The following CFHR5 variants were observed in gnomAD, a reference collection of about 807,000 sequenced individuals.
CFHR5 encodes the protein complement factor H-related protein 5.
CFHR5 carries 73 observed loss-of-function variants against 62.9 expected under a neutral mutation model. That is an observed-to-expected ratio of 1.16 (90% confidence interval 0.96 to 1.41). The LOEUF is 1.41. Ranked by LOEUF, CFHR5 falls within the 40% of genes most tolerant of loss-of-function variation. CFHR5 has a pLI of 0.00. For missense variants in CFHR5, 779 were observed against 679.9 expected (o/e 1.15, Z -1.62); for synonymous variants, 249 against 227.2 (o/e 1.10, Z -0.86).
At chr1:196,983,778 G>GTA (rs1025271279) in intron 2 of CFHR5, among the ~76,000 whole-genome samples, 183 bp from the exon 3 acceptor site, 52 of 151,000 alleles carry the variant, frequency 3.4e-4, no homozygotes, top group South Asian at 3.1e-3. Flanking sequence ...ATTAACTTTC[G>GTA]TATATATATA....
intron 1 of CFHR5, among the ~76,000 whole-genome samples, chr1:196,981,913 G>T (rs2125026086): frequency 6.6e-6 from 1 of 150,472 alleles, no homozygotes; most frequent in East Asian, 1.9e-4. Context: ...TTCTTTTTCA[G>T]ATATTTTGGA....
intron 9 of CFHR5, among the ~76,000 whole-genome samples, chr1:197,007,621 A>G (rs1003285748): frequency 6.7e-6 from 1 of 149,510 alleles, no homozygotes; most frequent in African/African-American, 2.4e-5. Context: ...TATATTACAT[A>G]TTACATATAT....
chr1:197,001,815 C>A (rs552620269), intron 7 of CFHR5, among the ~76,000 whole-genome samples: 1 of 151,004 alleles, frequency 6.6e-6, no homozygotes, highest in Non-Finnish European at 1.5e-5. Flanking sequence ...ACAGTAGCCA[C>A]CACTCTGGAA....
At chr1:196,997,789 G>A (rs1654033504) in intron 6 of CFHR5, among the ~76,000 whole-genome samples, 1 of 152,058 alleles carries the variant, frequency 6.6e-6, no homozygotes. Context: ...AGATAGTTTA[G>A]TGCAAAACAA....
chr1:196,985,660 T>G (rs562694877), intron 3 of CFHR5, among the ~76,000 whole-genome samples: 1 of 152,322 alleles, frequency 6.6e-6, no homozygotes, highest in African/African-American at 2.4e-5. Context: ...TGATGGCTAT[T>G]GTCAGACCAA....
At chr1:196,990,545 A>G (rs961860859) in intron 3 of CFHR5, among the ~76,000 whole-genome samples, 3 of 151,968 alleles carry the variant, frequency 2.0e-5, no homozygotes, top group Non-Finnish European at 2.9e-5. Context: ...TTCCTTCAGG[A>G]GCTCTTGTAA....
At position 197,008,470 on chromosome 1, in the gene CFHR5, A is replaced by AC. The variant is rs1162128111; in HGVS notation, c.1514-15dup. The AC allele has an allele frequency of 6.9e-7, 1 of 1,453,834 alleles. No homozygotes were observed. 90.1% of individuals were successfully genotyped at this position (1,453,834 alleles called of 1,614,324 possible). ...TATTATTATTTATTTATTTTATTTT[A>AC]CCATTTCTTCTTTCAGATCCATGTG... On this transcript the variant is annotated splice_polypyrimidine_tract_variant and intron_variant, in intron 9 of 9. Coordinates refer to ENST00000256785, the MANE Select transcript of CFHR5 (RefSeq NM_030787.4).
intron 3 of CFHR5, among the ~76,000 whole-genome samples, chr1:196,992,214 TCCTGGTGTGTCCTGGAGACTGGACACA>T (rs1653865121): frequency 6.6e-6 from 1 of 152,134 alleles, no homozygotes; most frequent in East Asian, 1.9e-4. Flanking sequence ...GGATACAGTC[TCCTGGTGTGTCCTGGAGACTGGACACA>T]CCACTAAGAC....
chr1:196,976,234 A>G (rs1052439500), upstream of CFHR5, among the ~76,000 whole-genome samples: 3 of 152,176 alleles, frequency 2.0e-5, no homozygotes, highest in Admixed American at 6.5e-5. Flanking sequence ...CTGAACCACC[A>G]TAAGTAAGTT....
chr1:197,008,391 T>C, intron 9 of CFHR5, 96 bp from the exon 10 acceptor site: 1 of 645,438 alleles, frequency 1.5e-6, no homozygotes, highest in South Asian at 4.5e-5. Flanking sequence ...TTCATCATTT[T>C]AATTCCAAAA....
At position 196,999,683 on chromosome 1, in the gene CFHR5, GTATATATATATATATATATATA is replaced by G. The variant is rs35191504; in HGVS notation, c.1147+1398_1147+1419del. ...TTAAACTTATCTATTTTGGGAAAAA[GTATATATATATATATATATATA>G]TATATATATATATATATACACACAC... On this transcript the variant is annotated intron_variant, in intron 7 of 9. Coordinates refer to ENST00000256785, the MANE Select transcript of CFHR5 (RefSeq NM_030787.4). 6.8e-3 allele frequency among the ~76,000 whole-genome samples: 750 copies of G among 110,654 alleles called. 13 individuals are homozygous for G. Among genetic ancestry groups the G allele is most frequent in the African/African-American group, 0.027 (697 of 25,988 alleles). 72.6% of individuals were successfully genotyped at this position (110,654 alleles called of 152,430 possible). A position where few individuals can be genotyped will look rare whatever the true frequency, so the allele number is the denominator to read the frequency against.
chr1:196,997,261 T>C (rs1240861173), intron 6 of CFHR5, among the ~76,000 whole-genome samples: 5 of 152,122 alleles, frequency 3.3e-5, no homozygotes, highest in Non-Finnish European at 7.3e-5. Flanking sequence ...TGAGGGAATG[T>C]TTTCCACTAC....
intron 3 of CFHR5, among the ~76,000 whole-genome samples, chr1:196,991,783 G>A (rs116469249): frequency 0.013 from 2,028 of 152,258 alleles, 20 homozygotes; most frequent in Admixed American, 0.023. Context: ...GCACCCACCT[G>A]TATGAGGTGT....
At chr1:196,987,218 T>C (rs371449786) in intron 3 of CFHR5, among the ~76,000 whole-genome samples, 6 of 152,240 alleles carry the variant, frequency 3.9e-5, no homozygotes, top group African/African-American at 9.6e-5. Flanking sequence ...ATGGGGTTTT[T>C]TCTTGTAGAT....
Position 197,008,686 on chromosome 1 carries a change from CA to C in CFHR5, c.*5del. 6.2e-7 allele frequency: 1 copy of C among 1,608,250 alleles called. No homozygotes were observed. Among genetic ancestry groups the C allele is most frequent in the Non-Finnish European group, 8.5e-7 (1 of 1,174,874 alleles). ...TTGAATATCCTATATGTGAATGAAGCAAGCATAATTTTCCTGAATATATTCT... is the reference window on the plus strand; with the variant it reads ...TTGAATATCCTATATGTGAATGAAGCAGCATAATTTTCCTGAATATATTCT... On this transcript the variant is annotated 3_prime_UTR_variant, in exon 10 of 10. Coordinates refer to ENST00000256785, the MANE Select transcript of CFHR5 (RefSeq NM_030787.4).
rs1226328191 is a variant in CFHR5, at chr1:197,008,825, GA to G, written c.*143del. On this transcript the variant is annotated 3_prime_UTR_variant, in exon 10 of 10. Coordinates refer to ENST00000256785, the MANE Select transcript of CFHR5 (RefSeq NM_030787.4). Reference sequence around the variant, plus strand: ...TTTTATTTAGAACTCTGGATTTTTAGAGCTTTAGAAATTTGTAAGCTGAGAG... The same window carrying G: ...TTTTATTTAGAACTCTGGATTTTTAGGCTTTAGAAATTTGTAAGCTGAGAG... 3 of 720,080 alleles carry G rather than the reference GA, an allele frequency of 4.2e-6. No individual in the cohort carries two copies. Among genetic ancestry groups the G allele is most frequent in the African/African-American group, 3.6e-5 (2 of 56,310 alleles). 44.6% of individuals were successfully genotyped at this position (720,080 alleles called of 1,614,324 possible).
intron 3 of CFHR5, among the ~76,000 whole-genome samples, chr1:196,986,961 T>A (rs1374869078): frequency 6.6e-6 from 1 of 152,214 alleles, no homozygotes; most frequent in African/African-American, 2.4e-5. Context: ...ACCACAATGG[T>A]TGAACTAGTT....
chr1:196,998,092 A>C, intron 6 of CFHR5, 36 bp from the exon 7 acceptor site: 3 of 1,268,816 alleles, frequency 2.4e-6, no homozygotes, highest in Non-Finnish European at 3.3e-6. Context: ...TTATTGACAT[A>C]ATTGTTTAGT....
chr1:196,995,940 C>G, intron 5 of CFHR5, 41 bp downstream of exon 5: 1 of 1,592,378 alleles, frequency 6.3e-7, no homozygotes, highest in Non-Finnish European at 8.6e-7. Flanking sequence ...GTTACTATTA[C>G]TTTGCACTTA....
Sources: allele counts gnomAD v4.1 joint callset (sites outside exome capture counted in the v4.1 genomes callset), GRCh38; gene constraint gnomAD v4.1.1; transcripts MANE v1.5; gene names NCBI Gene and HGNC (gene_info 2026-07-23, HGNC 2026-07-21).